SNX29: variants seen among roughly 807,000 people sequenced by gnomAD.
SNX29 encodes sorting nexin-29.
Under a neutral mutation model 102.1 loss-of-function variants are expected in SNX29, and 78 were observed. The observed-to-expected ratio is 0.76, with a 90% CI of 0.64 to 0.92. The LOEUF is 0.92. Among genes scored for constraint, SNX29 ranks in the 40% least tolerant of loss-of-function variants. The pLI is 0.00. For synonymous variants in SNX29, 580 were observed against 414.5 expected, an observed-to-expected ratio of 1.40 and a Z score of -4.85; for missense variants, 1,280 against 1,061.7, an observed-to-expected ratio of 1.21 and a Z score of -2.86.
chr16:12,011,473 C>T (rs1342462812), intron 3 of SNX29, among the ~76,000 whole-genome samples: 1 of 151,972 alleles, frequency 6.6e-6, no homozygotes, highest in Non-Finnish European at 1.5e-5. Flanking sequence ...CGGGGTTTAA[C>T]CATGTTGGCC....
At chr16:12,568,206 G>A (rs146569509) in intron 20 of SNX29, among the ~76,000 whole-genome samples, 212 of 150,670 alleles carry the variant, frequency 1.4e-3, no homozygotes, top group African/African-American at 5.0e-3. Context: ...GCTGTGCCTA[G>A]AACATTCTTT....
Position 12,386,192 on chromosome 16 carries a change from C to G in SNX29, c.1900-12254C>G, listed in dbSNP as rs547012460. On this transcript the variant is annotated intron_variant, in intron 16 of 20. Coordinates refer to ENST00000566228, the MANE Select transcript of SNX29 (RefSeq NM_032167.5). ...GAACTCCTGGATCCAAGACCAAGGT[C>G]ATTCTCATCAACCCTTAAGCCAGTG... Among the ~76,000 whole-genome samples the G allele has an allele frequency of 2.6e-5, 4 of 152,370 alleles. No homozygotes were observed. The South Asian group carries it at 6.2e-4, about 24-fold the overall frequency.
intron 8 of SNX29, among the ~76,000 whole-genome samples, chr16:12,060,219 G>A (rs1042990467): frequency 6.6e-6 from 1 of 152,074 alleles, no homozygotes; most frequent in Non-Finnish European, 1.5e-5. Flanking sequence ...GATTGTATTA[G>A]GTATCATAAG....
At chr16:11,990,677 G>C (rs2055815251) in intron 1 of SNX29, among the ~76,000 whole-genome samples, 2 of 152,166 alleles carry the variant, frequency 1.3e-5, no homozygotes, top group African/African-American at 4.8e-5. Context: ...GAATTCTGCA[G>C]TGACAACAGG....
chr16:12,298,001 C>T (rs1038762660), intron 15 of SNX29, among the ~76,000 whole-genome samples: 1 of 152,142 alleles, frequency 6.6e-6, no homozygotes, highest in African/African-American at 2.4e-5. Context: ...AAAAGCCTGT[C>T]TCTACTAAAA....
chr16:12,544,274 A>AC (rs2077482623), intron 20 of SNX29, among the ~76,000 whole-genome samples: 1 of 152,192 alleles, frequency 6.6e-6, no homozygotes, highest in African/African-American at 2.4e-5. Flanking sequence ...TCAGGACTTT[A>AC]CACTCTCAGT....
intron 11 of SNX29, chr16:12,087,088 T>C (rs2052237411): frequency 6.6e-6 from 1 of 152,244 alleles, no homozygotes; most frequent in Admixed American, 6.6e-5. Flanking sequence ...TGAGAGGCAT[T>C]CTTGGTGGTA....
chr16:12,083,756 T>C (rs1463651778), intron 11 of SNX29, among the ~76,000 whole-genome samples: 1 of 152,184 alleles, frequency 6.6e-6, no homozygotes, highest in Non-Finnish European at 1.5e-5. Flanking sequence ...ACTGGACTCT[T>C]GGAAACCCCA....
chr16:11,996,133 G>A (rs2056064159), intron 1 of SNX29, among the ~76,000 whole-genome samples: 1 of 152,110 alleles, frequency 6.6e-6, no homozygotes, highest in Non-Finnish European at 1.5e-5. Context: ...GCTGGGTGTG[G>A]TGGCTCACAC....
intron 5 of SNX29, 111 bp downstream of exon 5, chr16:12,043,188 G>C: frequency 7.2e-7 from 1 of 1,382,258 alleles, no homozygotes. Context: ...TGGGGGAAGT[G>C]GGCCTCCCTC....
At chr16:12,446,770 T>A (rs137902056) in intron 18 of SNX29, among the ~76,000 whole-genome samples, 246 of 152,330 alleles carry the variant, frequency 1.6e-3, no homozygotes, top group African/African-American at 5.8e-3. Flanking sequence ...CTCCAGTATG[T>A]ACTAAGCTCT....
chr16:12,558,011 G>A (rs1245144461), intron 20 of SNX29, among the ~76,000 whole-genome samples: 2 of 152,174 alleles, frequency 1.3e-5, no homozygotes, highest in East Asian at 3.8e-4. Flanking sequence ...GCTGGGTGCT[G>A]CAGTGGGGAG....
chr16:12,308,554 T>C (rs112650017), intron 15 of SNX29, among the ~76,000 whole-genome samples: 6,517 of 152,178 alleles, frequency 0.043, 204 homozygotes, highest in African/African-American at 0.08. Context: ...TGTCAACTTG[T>C]TGTGCACTCC....
intron 1 of SNX29, among the ~76,000 whole-genome samples, chr16:11,988,432 G>C (rs906101086): frequency 4.6e-5 from 7 of 152,082 alleles, no homozygotes; most frequent in African/African-American, 1.4e-4. Flanking sequence ...GGATTTTGCT[G>C]TGTCACTCAG....
intron 19 of SNX29, among the ~76,000 whole-genome samples, chr16:12,488,251 C>G (rs928302557): frequency 1.3e-5 from 2 of 152,070 alleles, no homozygotes; most frequent in African/African-American, 4.8e-5. Flanking sequence ...CACAGAGAAG[C>G]TGAATTGAAG....
chr16:12,370,415 C>A (rs2151378215), intron 16 of SNX29, among the ~76,000 whole-genome samples: 1 of 152,304 alleles, frequency 6.6e-6, no homozygotes, highest in East Asian at 1.9e-4. Context: ...CAAAAATTAG[C>A]TGGGTTTGAT....
intron 11 of SNX29, chr16:12,090,426 G>A (rs1464193265): frequency 6.6e-6 from 1 of 152,222 alleles, no homozygotes; most frequent in Non-Finnish European, 1.5e-5. Context: ...GCCGCCTCAC[G>A]CGGTTATTGA....
chr16:12,511,292 A>C (rs1429382649), intron 19 of SNX29, among the ~76,000 whole-genome samples: 1 of 152,184 alleles, frequency 6.6e-6, no homozygotes, highest in African/African-American at 2.4e-5. Flanking sequence ...TGTGGAACTC[A>C]AGCAGACGTG....
chr16:12,083,851 C>T (rs1465305281), intron 11 of SNX29, among the ~76,000 whole-genome samples: 1 of 152,244 alleles, frequency 6.6e-6, no homozygotes, highest in Non-Finnish European at 1.5e-5. Flanking sequence ...GCTTCCCTGG[C>T]TTCGTGTAAT....
Sources: gnomAD v4.1 joint callset for allele counts (sites outside exome capture counted in the v4.1 genomes callset) on GRCh38, gnomAD v4.1.1 for gene constraint, MANE v1.5 for transcripts, NCBI Gene and HGNC (gene_info 2026-07-23, HGNC 2026-07-21) for gene names.